The following MARF1 variants were observed in gnomAD, a reference collection of about 807,000 sequenced individuals.
MARF1 encodes the protein limkain-b1.
In MARF1, 24 loss-of-function variants were observed where a neutral mutation model predicts 168.2. The ratio of observed to expected loss-of-function variants is 0.14; its 90% CI spans 0.10 to 0.20. The LOEUF (loss-of-function observed/expected upper bound fraction) is 0.20. MARF1 is among the 10% of genes least tolerant of loss of function. The probability of loss-of-function intolerance (pLI) is 1.00; values close to 1 mark genes in which losing one functional copy is unlikely to be tolerated. For missense variants in MARF1, 1,744 were observed against 2,143.6 expected, an observed-to-expected ratio of 0.81 and a Z score of 3.68; for synonymous variants, 868 against 822.4, an observed-to-expected ratio of 1.06 and a Z score of -0.95.
In MARF1 at chr16:15,595,911, A is replaced by C. The variant is rs2031635050; in HGVS notation, c.*782T>G. ...AATGTGTGTTGTAATCCAAATGCTGACTTTAAATCCATGACATCGAGACCA... is the reference window on the plus strand; with the variant it reads ...AATGTGTGTTGTAATCCAAATGCTGCCTTTAAATCCATGACATCGAGACCA... On this transcript the variant is annotated 3_prime_UTR_variant, in exon 27 of 27. Transcript: ENST00000396368. The C allele has an allele frequency of 6.6e-6, 1 of 152,340 alleles. No individual in the cohort carries two copies. Among genetic ancestry groups the C allele is most frequent in the Non-Finnish European group, 1.5e-5 (1 of 68,050 alleles). The allele number at this position is 152,340 out of a possible 1,614,324, so 9.4% of individuals were successfully genotyped here.
At chr16:15,599,142 T>C (rs2032110547) in intron 25 of MARF1, 118 bp from the exon 26 acceptor site, 1 of 707,132 alleles carries the variant, frequency 1.4e-6, no homozygotes, top group Non-Finnish European at 2.2e-6. Flanking sequence ...AGTCAAGAAG[T>C]ATTTAAGGTA....
rs1490953415 is a variant in MARF1 at position 15,634,848 on chromosome 16, G to C, written c.915C>G (p.Val305=). The C allele has an allele frequency of 6.8e-6, 11 of 1,614,104 alleles. No individual in the cohort carries two copies. Among genetic ancestry groups the C allele is most frequent in the Non-Finnish European group, 9.3e-6 (11 of 1,179,980 alleles). The change falls in exon 4 of 27, where the codon GTC becomes GTG. Residue 305 remains valine (V), a synonymous_variant. Coordinates refer to ENST00000396368, the MANE Select transcript of MARF1 (RefSeq NM_014647.4). ...TGGTTCCACAGCCATTACACAGAGGGACAGCAAGAGGTGCAGGTTGAGTAT... is the reference window on the plus strand; with the variant it reads ...TGGTTCCACAGCCATTACACAGAGGCACAGCAAGAGGTGCAGGTTGAGTAT... ...PPNTQPAPLA[V]PLCNGCGTKG... is the part of the protein sequence containing the mutation.
chr16:15,610,726 CAA>C (rs1410562869), intron 19 of MARF1, among the ~76,000 whole-genome samples: 1 of 152,206 alleles, frequency 6.6e-6, no homozygotes, highest in Non-Finnish European at 1.5e-5. Flanking sequence ...GGCATTTGAG[CAA>C]AGTGCTGATG....
chr16:15,610,069 G>C (rs1220698669), intron 19 of MARF1, among the ~76,000 whole-genome samples: 1 of 152,146 alleles, frequency 6.6e-6, no homozygotes, highest in East Asian at 1.9e-4. Context: ...CTGTACTTAA[G>C]CAAGTACTCT....
At chr16:15,601,002 G>T in intron 23 of MARF1, 1 of 634,666 alleles carries the variant, frequency 1.6e-6, no homozygotes, top group Non-Finnish European at 2.9e-6. Flanking sequence ...AATTAAGGTA[G>T]TTCTCACATG....
chr16:15,629,781 G>T (rs1292368669), intron 7 of MARF1, among the ~76,000 whole-genome samples: 1 of 152,156 alleles, frequency 6.6e-6, no homozygotes, highest in Non-Finnish European at 1.5e-5. Flanking sequence ...CCTCCTCCCA[G>T]TATATGGCAT....
At chr16:15,632,090 TCTC>T (rs1343799053) in intron 5 of MARF1, among the ~76,000 whole-genome samples, 1 of 152,232 alleles carries the variant, frequency 6.6e-6, no homozygotes, top group Non-Finnish European at 1.5e-5. Context: ...ATCTCAGTAA[TCTC>T]AACATTGGTT....
chr16:15,599,021 G>T lies in MARF1; in HGVS notation c.4817C>A (p.Pro1606His). 6.2e-7 allele frequency: 1 copy of T among 1,604,798 alleles called. No individual in the cohort carries two copies. Residue 1606 changes from proline to histidine, a missense_variant, in exon 26 of 27, where the codon CCC becomes CAC. Transcript: ENST00000396368. ...ELKLGADGSG[P>H]SHTEQELLRL... is the part of the protein sequence containing the mutation. The stretch of plus-strand genomic sequence containing the variant: ...GAGAAGCTCCTGCTCTGTGTGACTG[G>T]GCCCTGGGCAAACAAGGAGGGCCGT...
At chr16:15,624,009 T>A (rs1054014518) in intron 10 of MARF1, among the ~76,000 whole-genome samples, 3 of 151,886 alleles carry the variant, frequency 2.0e-5, no homozygotes, top group Non-Finnish European at 2.9e-5. Flanking sequence ...CCTCCCAGGT[T>A]CATGCCATTC....
intron 18 of MARF1, 69 bp from the exon 19 acceptor site, chr16:15,611,177 G>A (rs966862198): frequency 3.0e-5 from 45 of 1,514,130 alleles, no homozygotes; most frequent in African/African-American, 5.5e-5. Context: ...CAAGTTTTCC[G>A]GCCGGGCGCT....
intron 25 of MARF1, 145 bp from the exon 26 acceptor site, chr16:15,599,169 A>AC (rs1429187139): frequency 2.1e-5 from 17 of 790,920 alleles, no homozygotes; most frequent in Admixed American, 5.5e-5. Flanking sequence ...AAAAAAAAAA[A>AC]AAAAAACAAA....
chr16:15,603,850 G>T (rs2032757663), intron 22 of MARF1, among the ~76,000 whole-genome samples: 1 of 152,048 alleles, frequency 6.6e-6, no homozygotes. Context: ...ATCTCATTCA[G>T]AAAGATAAAA....
chr16:15,610,329 G>C (rs566440405), intron 19 of MARF1: 2 of 153,422 alleles, frequency 1.3e-5, no homozygotes, highest in Admixed American at 1.3e-4. Context: ...GATAATAGAA[G>C]GAGGATACGA....
chr16:15,606,604 C>A (rs755831707), intron 21 of MARF1, among the ~76,000 whole-genome samples: 7 of 152,102 alleles, frequency 4.6e-5, no homozygotes, highest in Non-Finnish European at 8.8e-5. Context: ...TGGAAGAGGA[C>A]TCCCTTCTAT....
intron 23 of MARF1, chr16:15,600,954 T>C (rs1220243380): frequency 1.4e-6 from 1 of 690,906 alleles, no homozygotes; most frequent in Admixed American, 2.0e-5. Context: ...TTATAATTCT[T>C]AAAAAGACTG....
At chr16:15,606,325 C>T (rs974070838) in intron 21 of MARF1, among the ~76,000 whole-genome samples, 9 of 152,140 alleles carry the variant, frequency 5.9e-5, no homozygotes, top group African/African-American at 1.9e-4. Flanking sequence ...TGACGCCCAT[C>T]GGTAAACTCC....
At position 15,599,678 on chromosome 16, in the gene MARF1, A is replaced by G. The variant is rs935532408; in HGVS notation, c.4814-654T>C. ...GTCCTTCAGAAAAGTTAGAACTGCT[A>G]TAACATTCCAAGAATTGGCCTCTAT... On this transcript the variant is annotated intron_variant, in intron 25 of 26. Coordinates refer to ENST00000396368, the MANE Select transcript of MARF1 (RefSeq NM_014647.4). 4.6e-5 allele frequency among the ~76,000 whole-genome samples: 7 copies of G among 152,256 alleles called. No individual in the cohort carries two copies. In the South Asian group the frequency reaches 6.2e-4, roughly 13 times the overall value.
chr16:15,618,668 C>T (rs560604772), intron 13 of MARF1, among the ~76,000 whole-genome samples: 8 of 152,146 alleles, frequency 5.3e-5, no homozygotes, highest in Non-Finnish European at 1.0e-4. Context: ...TTTCTCCTTC[C>T]CCCTCCCAAC....
chr16:15,601,546 G>C, intron 23 of MARF1: 1 of 248,068 alleles, frequency 4.0e-6, no homozygotes, highest in Non-Finnish European at 8.0e-6. Context: ...CCCTGCATCT[G>C]CTCATGTCAT....
Sources: allele counts gnomAD v4.1 joint callset (sites outside exome capture counted in the v4.1 genomes callset), GRCh38; gene constraint gnomAD v4.1.1; transcripts MANE v1.5; gene names NCBI Gene and HGNC (gene_info 2026-07-23, HGNC 2026-07-21).